Variants in GRM8 observed in about 807,000 individuals in gnomAD.
The protein encoded by GRM8 is metabotropic glutamate receptor 8.
Under a neutral mutation model 87.2 loss-of-function variants are expected in GRM8, and 47 were observed. That is an observed-to-expected ratio of 0.54 (90% confidence interval 0.43 to 0.69). The LOEUF (loss-of-function observed/expected upper bound fraction) is 0.69, where lower values mean the gene tolerates loss of function less well. GRM8 is among the 30% of genes least tolerant of loss of function. GRM8 has a pLI of 0.00. For synonymous variants in GRM8, 396 were observed against 404.5 expected (o/e 0.98, Z 0.25); for missense variants, 1,019 against 1,139.2 (o/e 0.89, Z 1.52).
intron 7 of GRM8, among the ~76,000 whole-genome samples, chr7:126,652,858 T>C (rs912068132): frequency 1.1e-4 from 16 of 152,148 alleles, no homozygotes; most frequent in African/African-American, 3.9e-4. Flanking sequence ...TTACACTCTT[T>C]ATTCTAACAG....
chr7:127,167,883 G>T (rs1399022977), intron 2 of GRM8, among the ~76,000 whole-genome samples: 1 of 152,048 alleles, frequency 6.6e-6, no homozygotes, highest in Non-Finnish European at 1.5e-5. Flanking sequence ...TAGACTTCAT[G>T]AAAGACCTAA....
chr7:126,510,109 A>G (rs728226), intron 9 of GRM8, among the ~76,000 whole-genome samples: 46,098 of 151,860 alleles, frequency 0.3, 7,652 homozygotes, highest in Middle Eastern at 0.41. Flanking sequence ...TCCCAACATG[A>G]TCACAAAGTT....
intron 8 of GRM8, among the ~76,000 whole-genome samples, chr7:126,547,941 A>C (rs1817337960): frequency 1.3e-5 from 2 of 152,084 alleles, no homozygotes; most frequent in South Asian, 4.1e-4. Context: ...ATAAGAAAAT[A>C]AGTGAAGGAA....
intron 6 of GRM8, among the ~76,000 whole-genome samples, chr7:126,858,831 T>A (rs1269956131): frequency 6.6e-6 from 1 of 152,232 alleles, no homozygotes; most frequent in Non-Finnish European, 1.5e-5. Context: ...ATAAAGCCAA[T>A]TGAGGTCTTT....
chr7:126,486,545 C>T (rs948849074), intron 9 of GRM8, among the ~76,000 whole-genome samples: 1 of 151,992 alleles, frequency 6.6e-6, no homozygotes, highest in African/African-American at 2.4e-5. Flanking sequence ...AAGGCTGGAA[C>T]CATTCGTAAG....
intron 9 of GRM8, among the ~76,000 whole-genome samples, chr7:126,490,584 T>C (rs1296388699): frequency 6.6e-6 from 1 of 152,036 alleles, no homozygotes; most frequent in Non-Finnish European, 1.5e-5. Flanking sequence ...CAGATGGATA[T>C]ATAGAGGAGG....
At chr7:126,818,889 T>G (rs541890493) in intron 6 of GRM8, among the ~76,000 whole-genome samples, 1 of 152,328 alleles carries the variant, frequency 6.6e-6, no homozygotes, top group African/African-American at 2.4e-5. Flanking sequence ...GAGGCATACT[T>G]CAGTCTACAG....
intron 3 of GRM8, chr7:127,080,916 T>C (rs1471273003): frequency 6.6e-6 from 1 of 152,186 alleles, no homozygotes; most frequent in Non-Finnish European, 1.5e-5. Flanking sequence ...TTTAAGCTAG[T>C]TTTGGGATGG....
chr7:127,238,074 T>C (rs1450645781), intron 2 of GRM8, among the ~76,000 whole-genome samples: 1 of 152,166 alleles, frequency 6.6e-6, no homozygotes, highest in Non-Finnish European at 1.5e-5. Flanking sequence ...CAATCTCTTA[T>C]GGGGAGCTGG....
chr7:127,060,775 T>C (rs1820526599), intron 3 of GRM8, among the ~76,000 whole-genome samples: 1 of 151,840 alleles, frequency 6.6e-6, no homozygotes, highest in African/African-American at 2.4e-5. Flanking sequence ...AATGTACTTT[T>C]CATCTAGATA....
intron 7 of GRM8, among the ~76,000 whole-genome samples, chr7:126,748,600 G>C (rs941904188): frequency 5.3e-5 from 7 of 132,746 alleles, no homozygotes; most frequent in Non-Finnish European, 9.6e-5. Flanking sequence ...AGAGCAGGTC[G>C]GGTTTTTTTT....
At chr7:126,543,749 T>C (rs1055951698) in intron 8 of GRM8, among the ~76,000 whole-genome samples, 3 of 151,908 alleles carry the variant, frequency 2.0e-5, no homozygotes, top group African/African-American at 7.3e-5. Context: ...ACAGACATGA[T>C]GAAAAATACA....
At chr7:126,955,503 G>T (rs572778318) in intron 3 of GRM8, among the ~76,000 whole-genome samples, 1 of 152,148 alleles carries the variant, frequency 6.6e-6, no homozygotes, top group African/African-American at 2.4e-5. Context: ...CACCAGTTAC[G>T]CCAGCAGTTT....
intron 7 of GRM8, among the ~76,000 whole-genome samples, chr7:126,748,306 A>T (rs1815954811): frequency 6.6e-6 from 1 of 152,150 alleles, no homozygotes; most frequent in South Asian, 2.1e-4. Context: ...GTTAATAAAG[A>T]TTGCTGGACA....
intron 6 of GRM8, among the ~76,000 whole-genome samples, chr7:126,879,481 CTCTT>C (rs1308808111): frequency 1.3e-5 from 2 of 152,152 alleles, no homozygotes; most frequent in Non-Finnish European, 2.9e-5. Context: ...CTCTCCCTCT[CTCTT>C]TCTCCTTCAG....
At chr7:126,654,470 C>A (rs546323680) in intron 7 of GRM8, among the ~76,000 whole-genome samples, 87 of 152,186 alleles carry the variant, frequency 5.7e-4, no homozygotes, top group Non-Finnish European at 1.2e-3. Context: ...AAGAGCCTTG[C>A]TGAGGTAAGC....
chr7:127,008,786 T>C (rs1814581709), intron 3 of GRM8, among the ~76,000 whole-genome samples: 1 of 152,116 alleles, frequency 6.6e-6, no homozygotes, highest in South Asian at 2.1e-4. Context: ...GTATATTCTA[T>C]ATAGTTGAAG....
intron 6 of GRM8, among the ~76,000 whole-genome samples, chr7:126,776,645 A>G (rs1430897076): frequency 1.3e-5 from 2 of 152,212 alleles, no homozygotes; most frequent in African/African-American, 2.4e-5. Flanking sequence ...CAAAGAAGCT[A>G]CGTTGGAGTA....
chr7:126,587,634 C>T (rs902677358), intron 8 of GRM8, among the ~76,000 whole-genome samples: 25 of 145,052 alleles, frequency 1.7e-4, no homozygotes, highest in African/African-American at 6.5e-4. Context: ...ACAATGAGAA[C>T]ACTTGGACAC....
Sources: allele counts gnomAD v4.1 joint callset (sites outside exome capture counted in the v4.1 genomes callset), GRCh38; gene constraint gnomAD v4.1.1; transcripts MANE v1.5; gene names NCBI Gene and HGNC (gene_info 2026-07-23, HGNC 2026-07-21).